CTNNA2: variants seen among roughly 807,000 people sequenced by gnomAD.
CTNNA2 encodes catenin alpha-2.
A neutral mutation model predicts 101.0 loss-of-function variants in CTNNA2; 42 were observed. That is an observed-to-expected ratio of 0.42 (90% CI 0.32 to 0.54). The LOEUF is 0.54. Ranked by LOEUF, CTNNA2 falls within the 20% of genes least tolerant of loss-of-function variation. CTNNA2 has a pLI of 0.14. For missense variants in CTNNA2, 871 were observed against 1,223.1 expected, an observed-to-expected ratio of 0.71 and a Z score of 4.29; for synonymous variants, 450 against 456.4, an observed-to-expected ratio of 0.99 and a Z score of 0.18.
intron 7 of CTNNA2, among the ~76,000 whole-genome samples, chr2:80,247,419 CTGTAA>C (rs1671410923): frequency 6.6e-6 from 1 of 152,192 alleles, no homozygotes; most frequent in African/African-American, 2.4e-5. Flanking sequence ...TTACCATTCT[CTGTAA>C]TCAATTATTC....
chr2:79,956,893 G>A (rs1376355848), intron 7 of CTNNA2, among the ~76,000 whole-genome samples: 3 of 133,226 alleles, frequency 2.3e-5, no homozygotes, highest in Non-Finnish European at 4.6e-5. Context: ...ATTTAAGGCA[G>A]TTAGGTTTGA....
chr2:79,232,997 C>A (rs1014831877), intron 2 of CTNNA2, among the ~76,000 whole-genome samples: 1 of 151,936 alleles, frequency 6.6e-6, no homozygotes, highest in Non-Finnish European at 1.5e-5. Context: ...CTTGTTTATT[C>A]TTTTAAATTT....
intron 7 of CTNNA2, among the ~76,000 whole-genome samples, chr2:79,986,641 C>T (rs56038901): frequency 0.044 from 6,674 of 152,236 alleles, 184 homozygotes; most frequent in Non-Finnish European, 0.066. Flanking sequence ...ATCATCTTCT[C>T]CCTGCCTAGG....
intron 7 of CTNNA2, among the ~76,000 whole-genome samples, chr2:80,353,591 G>A (rs72912839): frequency 0.03 from 4,639 of 152,106 alleles, 232 homozygotes; most frequent in African/African-American, 0.11. Flanking sequence ...GAACAATTCT[G>A]AACAAATAGT....
chr2:79,250,500 G>A (rs1293172171), intron 2 of CTNNA2, among the ~76,000 whole-genome samples: 5 of 152,142 alleles, frequency 3.3e-5, no homozygotes, highest in East Asian at 3.9e-4. Flanking sequence ...TTTATGCAGA[G>A]AGTCCTAGAC....
At chr2:79,714,017 C>T (rs1162826004) in intron 2 of CTNNA2, among the ~76,000 whole-genome samples, 5 of 152,096 alleles carry the variant, frequency 3.3e-5, no homozygotes, top group African/African-American at 4.8e-5. Context: ...ATGGGCTTTA[C>T]GAAGTAGAGC....
At chr2:79,555,111 C>T (rs1157523597) in intron 1 of CTNNA2, among the ~76,000 whole-genome samples, 1 of 152,192 alleles carries the variant, frequency 6.6e-6, no homozygotes, top group African/African-American at 2.4e-5. Context: ...CCTTAGGGCA[C>T]ATTCCTTTGT....
intron 11 of CTNNA2, among the ~76,000 whole-genome samples, chr2:80,553,337 GTAAT>G (rs773496307): frequency 1.3e-5 from 2 of 151,948 alleles, no homozygotes; most frequent in Non-Finnish European, 2.9e-5. Flanking sequence ...GATGATTTGA[GTAAT>G]TAATAGCAAT....
intron 17 of CTNNA2, chr2:80,616,365 A>C (rs1698854150): frequency 6.6e-6 from 1 of 151,654 alleles, no homozygotes; most frequent in African/African-American, 2.4e-5. Flanking sequence ...TCTTATTGAG[A>C]TATTTCTCTT....
At chr2:80,645,941 G>C (rs961149043) in intron 18 of CTNNA2, among the ~76,000 whole-genome samples, 9 of 152,166 alleles carry the variant, frequency 5.9e-5, no homozygotes, top group African/African-American at 1.9e-4. Context: ...AGCTTTTCTG[G>C]TGATGGAAAA....
intron 7 of CTNNA2, among the ~76,000 whole-genome samples, chr2:80,342,721 T>C (rs997073687): frequency 1.3e-5 from 2 of 152,242 alleles, no homozygotes; most frequent in Admixed American, 1.3e-4. Flanking sequence ...GTTTTTTGTT[T>C]ACTCATTTAA....
intron 7 of CTNNA2, among the ~76,000 whole-genome samples, chr2:80,081,629 CTT>C: frequency 6.6e-6 from 1 of 151,748 alleles, no homozygotes; most frequent in Admixed American, 6.6e-5. Flanking sequence ...CCTGGAGAAA[CTT>C]TATTTTCCCT....
chr2:79,894,038 CT>C (rs1684505258), intron 6 of CTNNA2, among the ~76,000 whole-genome samples: 1 of 146,848 alleles, frequency 6.8e-6, no homozygotes, highest in Admixed American at 6.9e-5. Flanking sequence ...TCTTCTTCTT[CT>C]TCTTCTTCTT....
At chr2:80,567,513 T>A (rs1015185070) in intron 12 of CTNNA2, among the ~76,000 whole-genome samples, 5 of 151,426 alleles carry the variant, frequency 3.3e-5, no homozygotes, top group Admixed American at 6.6e-5. Flanking sequence ...GATATCACAC[T>A]CTCTTTTACC....
intron 2 of CTNNA2, among the ~76,000 whole-genome samples, chr2:79,659,213 CT>C (rs1681836584): frequency 9.1e-6 from 1 of 109,686 alleles, no homozygotes; most frequent in Admixed American, 9.4e-5. Flanking sequence ...GATCCAGTGC[CT>C]CTTTTTTTTT....
chr2:80,413,462 T>G (rs947062981), intron 8 of CTNNA2, among the ~76,000 whole-genome samples: 2 of 152,216 alleles, frequency 1.3e-5, no homozygotes, highest in South Asian at 2.1e-4. Context: ...TCCCTAGGCT[T>G]TATAGATATG....
chr2:80,419,266 A>G (rs1435807066), intron 8 of CTNNA2, among the ~76,000 whole-genome samples, 183 bp from the exon 9 acceptor site: 1 of 152,206 alleles, frequency 6.6e-6, no homozygotes, highest in African/African-American at 2.4e-5. Context: ...AATATGTTTA[A>G]TTCACATGCT....
chr2:80,560,821 A>T (rs1693520863), intron 12 of CTNNA2, among the ~76,000 whole-genome samples: 1 of 152,126 alleles, frequency 6.6e-6, no homozygotes, highest in Non-Finnish European at 1.5e-5. Flanking sequence ...TTACAACAGG[A>T]TTGTCTGTTT....
intron 7 of CTNNA2, among the ~76,000 whole-genome samples, chr2:80,343,751 T>C (rs939800310): frequency 2.0e-5 from 3 of 152,178 alleles, no homozygotes; most frequent in African/African-American, 7.2e-5. Flanking sequence ...ATGTTTTTTC[T>C]CTCGCAATTG....
Sources: gnomAD v4.1 joint callset for allele counts (sites outside exome capture counted in the v4.1 genomes callset) on GRCh38, gnomAD v4.1.1 for gene constraint, MANE v1.5 for transcripts, NCBI Gene and HGNC (gene_info 2026-07-23, HGNC 2026-07-21) for gene names.